PROKR1: variants seen among roughly 807,000 people sequenced by gnomAD.
PROKR1 encodes the protein prokineticin receptor 1.
PROKR1 carries 21 observed loss-of-function variants against 22.8 expected under a neutral mutation model. The ratio of observed to expected loss-of-function variants is 0.92; its 90% CI spans 0.65 to 1.32. PROKR1 has a LOEUF of 1.32. Ranked by LOEUF, PROKR1 falls within the 40% of genes most tolerant of loss-of-function variation. The probability of loss-of-function intolerance (pLI) is 0.00; values close to 1 mark genes in which losing one functional copy is unlikely to be tolerated. For missense variants in PROKR1, 548 were observed against 514.2 expected, an observed-to-expected ratio of 1.07 and a Z score of -0.64; for synonymous variants, 193 against 207.5, an observed-to-expected ratio of 0.93 and a Z score of 0.60.
chr2:68,655,501 G>GT lies in PROKR1; in HGVS notation c.1108dup (p.Ser370PhefsTer44). ...GGAAGGCTTCTTACAATGGCGGTAA[G>GT]TCCAGTGCAGACCTGGACCTCAAGA... On this transcript the variant is annotated frameshift_variant, in exon 3 of 3. Transcript: ENST00000303786. LOFTEE classifies it high-confidence loss of function. 2 of 1,614,240 alleles carry GT rather than the reference G, an allele frequency of 1.2e-6. No homozygotes were observed. Among genetic ancestry groups the GT allele is most frequent in the Non-Finnish European group, 8.5e-7 (1 of 1,180,040 alleles).
intron 2 of PROKR1, among the ~76,000 whole-genome samples, chr2:68,654,481 A>G (rs6731838): frequency 0.59 from 89,285 of 151,980 alleles, 28,431 homozygotes; most frequent in African/African-American, 0.85. Flanking sequence ...CTTCAAGTTG[A>G]CCTTTTGCAG....
intron 2 of PROKR1, among the ~76,000 whole-genome samples, chr2:68,650,491 C>T (rs1026582351): frequency 2.0e-5 from 3 of 152,200 alleles, no homozygotes; most frequent in African/African-American, 7.2e-5. Context: ...GCCCCGACCT[C>T]CCAAAGTGTT....
intron 2 of PROKR1, among the ~76,000 whole-genome samples, chr2:68,653,836 T>G (rs966776587): frequency 9.7e-5 from 11 of 113,870 alleles, no homozygotes; most frequent in East Asian, 1.9e-4. Flanking sequence ...GCAATGTGGG[T>G]TTTTTTTTGA....
Position 68,655,653 on chromosome 2 carries a change from C to G in PROKR1, c.*77C>G. The G allele has an allele frequency of 7.0e-7, 1 of 1,419,496 alleles. No individual in the cohort carries two copies. Among genetic ancestry groups the G allele is most frequent in the Non-Finnish European group, 9.8e-7 (1 of 1,023,776 alleles). The allele number at this position is 1,419,496 out of a possible 1,614,324, so 87.9% of individuals were successfully genotyped here. A position where few individuals can be genotyped will look rare whatever the true frequency, so the allele number is the denominator to read the frequency against. On this transcript the variant is annotated 3_prime_UTR_variant, in exon 3 of 3. Coordinates refer to ENST00000303786, the MANE Select transcript of PROKR1 (RefSeq NM_138964.4). ...ACTAGTGTGCTTGGATGCACATCAA[C>G]CTGGAACTTTTTGTTTGCTGCAGAG...
chr2:68,649,243 A>G (rs527886053), intron 2 of PROKR1, among the ~76,000 whole-genome samples: 3 of 152,272 alleles, frequency 2.0e-5, no homozygotes, highest in African/African-American at 7.2e-5. Flanking sequence ...CGAGGCATCT[A>G]ACCTAGAAGA....
intron 2 of PROKR1, among the ~76,000 whole-genome samples, chr2:68,651,507 T>C (rs1673329862): frequency 6.6e-6 from 1 of 152,194 alleles, no homozygotes; most frequent in Non-Finnish European, 1.5e-5. Flanking sequence ...CCCAGAGTCC[T>C]GAGGAAACTG....
intron 1 of PROKR1, among the ~76,000 whole-genome samples, 173 bp downstream of exon 1, chr2:68,644,021 CA>C (rs1673122429): frequency 6.6e-6 from 1 of 152,146 alleles, no homozygotes; most frequent in Admixed American, 6.5e-5. Context: ...GGAAGCTGCC[CA>C]GGCTCCAGGG....
At position 68,656,159 on chromosome 2, in the gene PROKR1, A is replaced by G. The variant is rs1673450115; in HGVS notation, c.*583A>G. ...CAAACTCTTCCTCCCACACTGCTCT[A>G]TGGCCACCCTCAGGCCCAGGGCTCT... On this transcript the variant is annotated 3_prime_UTR_variant, in exon 3 of 3. Transcript: ENST00000303786. 1 of 175,428 alleles carries G rather than the reference A, an allele frequency of 5.7e-6. No homozygotes were observed. The highest frequency in any genetic ancestry group is 1.2e-5 in the Non-Finnish European group (1 of 81,478). 10.9% of individuals were successfully genotyped at this position (175,428 alleles called of 1,614,324 possible).
At chr2:68,647,981 G>C (rs1019600000) in intron 2 of PROKR1, among the ~76,000 whole-genome samples, 41 of 152,208 alleles carry the variant, frequency 2.7e-4, no homozygotes, top group African/African-American at 9.7e-4. Flanking sequence ...CCAAGGAAGA[G>C]CTCCAGGGAC....
At chr2:68,648,576 G>A (rs946049968) in intron 2 of PROKR1, among the ~76,000 whole-genome samples, 3 of 152,106 alleles carry the variant, frequency 2.0e-5, no homozygotes, top group Non-Finnish European at 4.4e-5. Flanking sequence ...CTGCACCAAT[G>A]CCCATTCTTT....
At position 68,655,211 on chromosome 2, in the gene PROKR1, C is replaced by T. The variant is rs201601840; in HGVS notation, c.817C>T (p.Arg273Cys). 5.0e-6 allele frequency: 8 copies of T among 1,614,222 alleles called. No individual in the cohort carries two copies. The Admixed American group carries it at 6.7e-5, about 13-fold the overall frequency. The change falls in exon 3 of 3, where the codon CGC becomes TGC. Residue 273 changes from arginine (R) to cysteine (C), a missense_variant. Transcript: ENST00000303786. Reference sequence around the variant, plus strand: ...CCCTGGATTCCAGACAGAGCAGATCCGCAAGAGGCTGCGCTGCCGCAGGAA... The same window carrying T: ...CCCTGGATTCCAGACAGAGCAGATCTGCAAGAGGCTGCGCTGCCGCAGGAA... ...AVPGFQTEQI[R>C]KRLRCRRKTV...
rs141513813 is a variant in PROKR1 at position 68,655,261 on chromosome 2, C to T, written c.867C>T (p.Ile289=). Residue 289 remains isoleucine (I), a synonymous_variant, in exon 3 of 3, where the codon ATC becomes ATT. Coordinates refer to ENST00000303786, the MANE Select transcript of PROKR1 (RefSeq NM_138964.4). ...AGACGGTCCTGGTGCTCATGTGCATCCTCACCGCCTACGTGCTATGCTGGG... is the reference window on the plus strand; with the variant it reads ...AGACGGTCCTGGTGCTCATGTGCATTCTCACCGCCTACGTGCTATGCTGGG... ...RRKTVLVLMC[I]LTAYVLCWAP... 2.7e-4 allele frequency: 443 copies of T among 1,614,252 alleles called. 3 individuals are homozygous for T. The African/African-American group carries it at 5.3e-3, about 19-fold the overall frequency.
At chr2:68,653,960 G>T (rs1265971934) in intron 2 of PROKR1, among the ~76,000 whole-genome samples, 9 of 152,094 alleles carry the variant, frequency 5.9e-5, no homozygotes. Context: ...AGGGTTAAAT[G>T]TTTTCTATCA....
At chr2:68,645,096 C>G (rs1424093724) in intron 1 of PROKR1, among the ~76,000 whole-genome samples, 1 of 152,208 alleles carries the variant, frequency 6.6e-6, no homozygotes, top group Non-Finnish European at 1.5e-5. Flanking sequence ...TTTGCTCTAG[C>G]GTCCCCATTC....
intron 1 of PROKR1, among the ~76,000 whole-genome samples, chr2:68,644,741 A>G (rs988739704): frequency 1.3e-5 from 2 of 151,904 alleles, no homozygotes; most frequent in African/African-American, 4.8e-5. Context: ...CCCTGGTCTG[A>G]TGTCTTCAGG....
intron 2 of PROKR1, among the ~76,000 whole-genome samples, chr2:68,653,835 G>GT (rs146331173): frequency 0.069 from 10,395 of 151,098 alleles, 484 homozygotes; most frequent in Admixed American, 0.11. Flanking sequence ...AGCAATGTGG[G>GT]TTTTTTTTTG....
intron 2 of PROKR1, among the ~76,000 whole-genome samples, chr2:68,652,136 T>C (rs191174852): frequency 6.6e-6 from 1 of 152,252 alleles, no homozygotes; most frequent in East Asian, 1.9e-4. Flanking sequence ...GAGTCATTGT[T>C]CTGTTGATAT....
chr2:68,650,146 G>A lies in PROKR1; in HGVS notation c.485+3840G>A, dbSNP rs962538037. 9.2e-5 allele frequency among the ~76,000 whole-genome samples: 14 copies of A among 151,732 alleles called. No homozygotes were observed. The East Asian group carries it at 2.7e-3, about 30-fold the overall frequency. ...ACGAGTTAGTGGGTGCAGTGCACCA[G>A]CATGGCACATGTATACATATGTAAC... On this transcript the variant is annotated intron_variant, in intron 2 of 2. Transcript: ENST00000303786.
rs929872491 is a variant in PROKR1, at chr2:68,655,813, C to T, written c.*237C>T. On this transcript the variant is annotated 3_prime_UTR_variant, in exon 3 of 3. Coordinates refer to ENST00000303786, the MANE Select transcript of PROKR1 (RefSeq NM_138964.4). ...ACACGCCAGTAGGTACTGGTAAAAC[C>T]TATATATGTTGATGACATTTAGTTG... The T allele has an allele frequency of 1.2e-5, 7 of 563,710 alleles. No homozygotes were observed. The highest frequency in any genetic ancestry group is 9.5e-6 in the Non-Finnish European group (3 of 314,648). The allele number at this position is 563,710 out of a possible 1,614,324, so 34.9% of individuals were successfully genotyped here.
Sources: gnomAD v4.1 joint callset for allele counts (sites outside exome capture counted in the v4.1 genomes callset) on GRCh38, gnomAD v4.1.1 for gene constraint, MANE v1.5 for transcripts, NCBI Gene and HGNC (gene_info 2026-07-23, HGNC 2026-07-21) for gene names.